Variants in TRAF3IP1 observed in about 807,000 individuals in gnomAD.
The protein encoded by TRAF3IP1 is intraflagellar transport 54.
A neutral mutation model predicts 89.9 loss-of-function variants in TRAF3IP1; 53 were observed. That is an observed-to-expected ratio of 0.59 (90% confidence interval 0.47 to 0.74). The LOEUF is 0.74. Among genes scored for constraint, TRAF3IP1 ranks in the 30% least tolerant of loss-of-function variants. TRAF3IP1 has a pLI of 0.00. For missense variants in TRAF3IP1, 806 were observed against 866.1 expected (o/e 0.93, Z 0.87); for synonymous variants, 311 against 322.1 (o/e 0.97, Z 0.37).
In TRAF3IP1 at chr2:238,320,680, G is replaced by A. The variant is rs2106351680; in HGVS notation, c.18G>A (p.Val6=). 1.1e-5 allele frequency: 16 copies of A among 1,409,650 alleles called. No individual in the cohort carries two copies. The highest frequency in any genetic ancestry group is 1.5e-5 in the Non-Finnish European group (16 of 1,066,740). The allele number at this position is 1,409,650 out of a possible 1,614,324, so 87.3% of individuals were successfully genotyped here. A position where few individuals can be genotyped will look rare whatever the true frequency, so the allele number is the denominator to read the frequency against. Residue 6 remains valine (V), a synonymous_variant, in exon 1 of 17, where the codon GTG becomes GTA. Coordinates refer to ENST00000373327, the MANE Select transcript of TRAF3IP1 (RefSeq NM_015650.4). MNAAV[V]RRTQEALGKV... ...ACGCCGTCATGAACGCGGCGGTGGT[G>A]AGGCGGACGCAGGAGGCGCTGGGGA...
chr2:238,334,700 G>T (rs1698301411), intron 7 of TRAF3IP1, among the ~76,000 whole-genome samples: 1 of 152,194 alleles, frequency 6.6e-6, no homozygotes, highest in Non-Finnish European at 1.5e-5. Flanking sequence ...TGTAGTAGTG[G>T]GAATTTTCGC....
intron 7 of TRAF3IP1, among the ~76,000 whole-genome samples, chr2:238,334,266 T>C (rs1397252727): frequency 6.6e-6 from 1 of 152,218 alleles, no homozygotes; most frequent in Non-Finnish European, 1.5e-5. Context: ...CCCTCTTTGC[T>C]GGAGATCTGT....
intron 15 of TRAF3IP1, among the ~76,000 whole-genome samples, chr2:238,389,841 G>A (rs1043776695): frequency 6.6e-6 from 1 of 151,862 alleles, no homozygotes; most frequent in African/African-American, 2.4e-5. Flanking sequence ...TCAATAATGT[G>A]TATTTATATG....
chr2:238,352,430 C>T (rs1003215600), intron 12 of TRAF3IP1, among the ~76,000 whole-genome samples: 2 of 152,126 alleles, frequency 1.3e-5, no homozygotes, highest in African/African-American at 4.8e-5. Context: ...GGGCAATAAG[C>T]GCCTCCAGGT....
At chr2:238,356,225 G>A in intron 15 of TRAF3IP1, 145 bp downstream of exon 15, 1 of 752,304 alleles carries the variant, frequency 1.3e-6, no homozygotes, top group Non-Finnish European at 2.2e-6. Context: ...GGCCAGGCAT[G>A]GTGGCTCACG....
intron 12 of TRAF3IP1, among the ~76,000 whole-genome samples, chr2:238,352,225 T>C (rs1699203138): frequency 1.3e-5 from 2 of 151,876 alleles, no homozygotes; most frequent in African/African-American, 4.8e-5. Context: ...GCCAGGCTGT[T>C]GGACGCTGAC....
Position 238,356,096 on chromosome 2 carries a change from C to A in TRAF3IP1, c.1689+16C>A. 6.3e-7 allele frequency: 1 copy of A among 1,591,888 alleles called. No homozygotes were observed. On this transcript the variant is annotated intron_variant, in intron 15 of 16. Coordinates refer to ENST00000373327, the MANE Select transcript of TRAF3IP1 (RefSeq NM_015650.4). ...TGGGGAGAAGGTAATGGAATGATTT[C>A]CATAAACACTGGCATTTTAGCAGTC... is the stretch of plus-strand genomic sequence containing the variant.
intron 15 of TRAF3IP1, among the ~76,000 whole-genome samples, chr2:238,364,654 A>T (rs548428598): frequency 3.9e-5 from 6 of 152,074 alleles, no homozygotes; most frequent in Non-Finnish European, 8.8e-5. Context: ...AATTATTAAT[A>T]AATATGATTT....
chr2:238,344,765 A>T, intron 9 of TRAF3IP1, 167 bp downstream of exon 9: 1 of 707,346 alleles, frequency 1.4e-6, no homozygotes, highest in Admixed American at 2.0e-5. Flanking sequence ...ACTAGAATCG[A>T]ACATGGTGGT....
intron 15 of TRAF3IP1, among the ~76,000 whole-genome samples, chr2:238,356,368 A>G (rs963673625): frequency 2.0e-5 from 3 of 152,142 alleles, no homozygotes; most frequent in Non-Finnish European, 4.4e-5. Flanking sequence ...GTGGTGGCGC[A>G]TGCCTGTAGT....
intron 15 of TRAF3IP1, among the ~76,000 whole-genome samples, chr2:238,385,259 G>T (rs1200088290): frequency 1.3e-5 from 2 of 152,014 alleles, no homozygotes; most frequent in Non-Finnish European, 1.5e-5. Context: ...CTCGTGATCC[G>T]CCCGCCTCGG....
intron 15 of TRAF3IP1, among the ~76,000 whole-genome samples, chr2:238,382,309 A>G (rs1700582908): frequency 6.6e-6 from 1 of 152,176 alleles, no homozygotes; most frequent in Non-Finnish European, 1.5e-5. Context: ...ATACTGAGAC[A>G]CATCCTGGTG....
intron 15 of TRAF3IP1, among the ~76,000 whole-genome samples, chr2:238,390,857 G>A (rs1700966398): frequency 1.3e-5 from 2 of 152,140 alleles, no homozygotes; most frequent in Admixed American, 1.3e-4. Flanking sequence ...GGAACCACAA[G>A]GCACTGACTG....
rs748746322 is a variant in TRAF3IP1, at chr2:238,345,060, A to G, written c.1261+462A>G. Among the ~76,000 whole-genome samples, 1 of 152,224 alleles carries G rather than the reference A, an allele frequency of 6.6e-6. No homozygotes were observed. The highest frequency in any genetic ancestry group is 1.5e-5 in the Non-Finnish European group (1 of 68,038). On this transcript the variant is annotated intron_variant, in intron 9 of 16. Coordinates refer to ENST00000373327, the MANE Select transcript of TRAF3IP1 (RefSeq NM_015650.4). The surrounding 1 kb of genome is among the most constrained non-coding windows in gnomAD (Gnocchi z 4.7). ...TCTCAGCCTTTAAAAAAACTTTGGT[A>G]AAATAGCCATTCAATGTTTGTGTTT...
At chr2:238,390,955 T>TC (rs1386190868) in intron 15 of TRAF3IP1, among the ~76,000 whole-genome samples, 1 of 152,128 alleles carries the variant, frequency 6.6e-6, no homozygotes, top group Admixed American at 6.6e-5. Flanking sequence ...CCTTTTCTTT[T>TC]CTTTTTTCTT....
chr2:238,354,579 A>T (rs1325024346), intron 14 of TRAF3IP1, among the ~76,000 whole-genome samples: 1 of 152,070 alleles, frequency 6.6e-6, no homozygotes, highest in Non-Finnish European at 1.5e-5. Context: ...GAACACCACG[A>T]CTGGTTTTTA....
intron 12 of TRAF3IP1, 43 bp from the exon 13 acceptor site, chr2:238,352,784 G>A: frequency 7.6e-6 from 12 of 1,574,202 alleles, no homozygotes; most frequent in Non-Finnish European, 1.0e-5. Context: ...TGGGACTGAT[G>A]AAAATGTGTA....
At chr2:238,349,429 C>T in intron 12 of TRAF3IP1, 21 bp downstream of exon 12, 4 of 1,609,864 alleles carry the variant, frequency 2.5e-6, no homozygotes, top group Non-Finnish European at 3.4e-6. Context: ...CTCAGCAGGG[C>T]AGTTCCAGCC....
chr2:238,375,965 A>G (rs1453461471), intron 15 of TRAF3IP1, among the ~76,000 whole-genome samples: 3 of 152,112 alleles, frequency 2.0e-5, no homozygotes, highest in Non-Finnish European at 4.4e-5. Context: ...TTGATCTGCA[A>G]TGCTGTCTCT....
Sources: allele counts gnomAD v4.1 joint callset (sites outside exome capture counted in the v4.1 genomes callset), GRCh38; gene constraint gnomAD v4.1.1; non-coding constraint Gnocchi (gnomAD v3.1); transcripts MANE v1.5; gene names NCBI Gene and HGNC (gene_info 2026-07-23, HGNC 2026-07-21).